The following MGAT4C variants were observed in gnomAD, a reference collection of about 807,000 sequenced individuals.
The protein encoded by MGAT4C is MGAT4 family member C.
A neutral mutation model predicts 40.1 loss-of-function variants in MGAT4C; 19 were observed. That is an observed-to-expected ratio of 0.47 (90% confidence interval 0.33 to 0.70). MGAT4C has a LOEUF of 0.70. Among genes scored for constraint, MGAT4C ranks in the 30% least tolerant of loss-of-function variants. The probability of loss-of-function intolerance (pLI) is 0.02; values close to 1 mark genes in which losing one functional copy is unlikely to be tolerated. For synonymous variants in MGAT4C, 181 were observed against 187.1 expected (o/e 0.97, Z 0.27); for missense variants, 491 against 563.2 (o/e 0.87, Z 1.30).
At chr12:86,603,591 A>G (rs2136464004) in intron 2 of MGAT4C, among the ~76,000 whole-genome samples, 1 of 123,234 alleles carries the variant, frequency 8.1e-6, no homozygotes, top group African/African-American at 3.2e-5. Flanking sequence ...ATAGTCATAT[A>G]GTCTATAGAC....
At chr12:86,483,258 T>A (rs1450787055) in intron 2 of MGAT4C, among the ~76,000 whole-genome samples, 1 of 152,136 alleles carries the variant, frequency 6.6e-6, no homozygotes, top group Admixed American at 6.5e-5. Flanking sequence ...ATCATCACAT[T>A]GTACATTAGG....
intron 3 of MGAT4C, among the ~76,000 whole-genome samples, chr12:86,342,357 CT>C (rs915836252): frequency 1.3e-5 from 2 of 152,142 alleles, no homozygotes; most frequent in Non-Finnish European, 2.9e-5. Flanking sequence ...CCAGCCACCC[CT>C]GAAGGAGCTA....
At chr12:86,322,164 A>G (rs544263772) in intron 4 of MGAT4C, among the ~76,000 whole-genome samples, 4 of 142,838 alleles carry the variant, frequency 2.8e-5, no homozygotes, top group African/African-American at 7.7e-5. Flanking sequence ...ATAGGTGGGA[A>G]TTGAACAATA....
intron 1 of MGAT4C, among the ~76,000 whole-genome samples, chr12:86,243,722 C>T (rs1292619181): frequency 6.6e-6 from 1 of 152,048 alleles, no homozygotes; most frequent in Non-Finnish European, 1.5e-5. Context: ...CCAAAAACTA[C>T]CTGGGTCTGA....
Position 86,703,085 on chromosome 12 carries a change from C to A in MGAT4C, c.-229+24124G>T, listed in dbSNP as rs1007247339. ...GTAATCGTGGATGTGGTAAAAATGG[C>A]AAGGGAACTAGAGCTAGAAGATTTG... On this transcript the variant is annotated intron_variant, in intron 2 of 7. Transcript: ENST00000548651. Among the ~76,000 whole-genome samples, 3 of 152,126 alleles carry A rather than the reference C, an allele frequency of 2.0e-5. No homozygotes were observed. The Middle Eastern group carries it at 0.01, about 517-fold the overall frequency.
At chr12:86,363,470 G>T (rs992368531) in intron 3 of MGAT4C, among the ~76,000 whole-genome samples, 3 of 151,938 alleles carry the variant, frequency 2.0e-5, no homozygotes, top group African/African-American at 7.2e-5. Flanking sequence ...TCAGAGTTGG[G>T]GGGAAAATTT....
At chr12:86,494,748 C>A (rs1958208106) in intron 2 of MGAT4C, among the ~76,000 whole-genome samples, 1 of 151,376 alleles carries the variant, frequency 6.6e-6, no homozygotes, top group African/African-American at 2.4e-5. Context: ...ATTTGACTTA[C>A]AAAAAGACAA....
intron 1 of MGAT4C, among the ~76,000 whole-genome samples, chr12:86,062,600 T>G (rs528039463): frequency 1.2e-3 from 176 of 152,030 alleles, no homozygotes; most frequent in Non-Finnish European, 2.1e-3. Flanking sequence ...GAGCATGTTC[T>G]AACCCAATGT....
At chr12:86,028,195 A>G (rs1890412447) in intron 2 of MGAT4C, 2 of 1,286,606 alleles carry the variant, frequency 1.6e-6, no homozygotes, top group South Asian at 2.5e-5. Context: ...GAGACGTTCC[A>G]AGATTCCATC....
intron 2 of MGAT4C, among the ~76,000 whole-genome samples, chr12:86,564,864 T>A (rs542711758): frequency 6.6e-6 from 1 of 152,168 alleles, no homozygotes; most frequent in African/African-American, 2.4e-5. Context: ...CAGGCTGCTG[T>A]GCAAGCTGCT....
intron 1 of MGAT4C, among the ~76,000 whole-genome samples, chr12:86,127,960 T>A (rs1593013962): frequency 6.6e-6 from 1 of 152,212 alleles, no homozygotes; most frequent in African/African-American, 2.4e-5. Context: ...CACTCTAAAA[T>A]AATGCTTAAA....
intron 1 of MGAT4C, among the ~76,000 whole-genome samples, chr12:86,811,187 T>G (rs1212066067): frequency 6.6e-6 from 1 of 151,334 alleles, no homozygotes. Flanking sequence ...AATTTTAGAT[T>G]GGTGATTTCT....
chr12:86,326,296 TCACACACACACACACA>T (rs3047013), intron 4 of MGAT4C, among the ~76,000 whole-genome samples: 1 of 140,754 alleles, frequency 7.1e-6, no homozygotes, highest in Non-Finnish European at 1.6e-5. Context: ...AGTATTCTCA[TCACACACACACACACA>T]CACACACACA....
intron 2 of MGAT4C, among the ~76,000 whole-genome samples, chr12:86,504,062 C>T (rs28521670): frequency 3.3e-5 from 5 of 151,202 alleles, no homozygotes; most frequent in Non-Finnish European, 7.4e-5. Flanking sequence ...GCCAACAAAC[C>T]TAAGAAAAAA....
At chr12:86,104,366 G>C (rs1054710106) in intron 1 of MGAT4C, among the ~76,000 whole-genome samples, 6 of 152,028 alleles carry the variant, frequency 3.9e-5, no homozygotes, top group Admixed American at 2.6e-4. Flanking sequence ...ATCGAGCCTA[G>C]GAGACAGAGG....
rs1041345863 is a variant in MGAT4C at position 85,956,631 on chromosome 12, A to G, written c.*22658T>C. 10 of 152,296 alleles carry G rather than the reference A, an allele frequency of 6.6e-5. No individual in the cohort carries two copies. In the South Asian group the frequency reaches 1.4e-3, roughly 22 times the overall value. The allele number at this position is 152,296 out of a possible 1,614,324, so 9.4% of individuals were successfully genotyped here. On this transcript the variant is annotated 3_prime_UTR_variant, in exon 5 of 5. Transcript: ENST00000611864. ...ATGGTGTAGAGAAAACAAAAATGTC[A>G]TAACAATTTCAGTTTTCAGCCTGTC... is the stretch of plus-strand genomic sequence containing the variant.
At chr12:86,081,255 G>A (rs1870789906) in intron 1 of MGAT4C, among the ~76,000 whole-genome samples, 1 of 152,118 alleles carries the variant, frequency 6.6e-6, no homozygotes, top group Admixed American at 6.5e-5. Context: ...TAGATGGTAA[G>A]GAACAATAAT....
At chr12:86,806,104 TA>T (rs936682668) in intron 1 of MGAT4C, among the ~76,000 whole-genome samples, 21 of 150,752 alleles carry the variant, frequency 1.4e-4, no homozygotes, top group Non-Finnish European at 2.4e-4. Context: ...ATTATTTTTG[TA>T]AAAAAAAACC....
chr12:86,299,274 G>T (rs1304767079), intron 4 of MGAT4C, among the ~76,000 whole-genome samples: 3 of 152,018 alleles, frequency 2.0e-5, no homozygotes, highest in East Asian at 3.9e-4. Context: ...ATGCCACCAG[G>T]CCCAGCTATT....
Sources: gnomAD v4.1 joint callset for allele counts (sites outside exome capture counted in the v4.1 genomes callset) on GRCh38, gnomAD v4.1.1 for gene constraint, MANE v1.5 for transcripts, NCBI Gene and HGNC (gene_info 2026-07-23, HGNC 2026-07-21) for gene names.